The following PAK5 variants were observed in gnomAD, a reference collection of about 807,000 sequenced individuals.
The protein encoded by PAK5 is serine/threonine-protein kinase PAK 5.
A neutral mutation model predicts 65.9 loss-of-function variants in PAK5; 16 were observed. The ratio of observed to expected loss-of-function variants is 0.24; its 90% CI spans 0.16 to 0.37. The LOEUF is 0.37. Ranked by LOEUF, PAK5 falls within the 10% of genes least tolerant of loss-of-function variation. The pLI is 1.00. For synonymous variants in PAK5, 371 were observed against 354.9 expected, an observed-to-expected ratio of 1.05 and a Z score of -0.51; for missense variants, 785 against 903.9, an observed-to-expected ratio of 0.87 and a Z score of 1.69.
intron 3 of PAK5, among the ~76,000 whole-genome samples, chr20:9,599,099 A>G (rs951947126): frequency 2.6e-5 from 4 of 152,154 alleles, no homozygotes; most frequent in African/African-American, 9.7e-5. Flanking sequence ...TAGCTTCCCC[A>G]TATAAGTGAA....
intron 1 of PAK5, among the ~76,000 whole-genome samples, chr20:9,721,327 TC>T (rs2048210291): frequency 6.6e-6 from 1 of 151,990 alleles, no homozygotes; most frequent in Non-Finnish European, 1.5e-5. Flanking sequence ...GCTGGAGTGC[TC>T]CCTGAAGGCT....
chr20:9,619,299 G>A (rs1476113657), intron 3 of PAK5, among the ~76,000 whole-genome samples: 3 of 152,134 alleles, frequency 2.0e-5, no homozygotes, highest in Non-Finnish European at 2.9e-5. Context: ...GAAGAAAAAA[G>A]CCATGACTGC....
chr20:9,750,082 T>C lies in PAK5; in HGVS notation c.-161-38647A>G, dbSNP rs562300895. Among the ~76,000 whole-genome samples, 24 of 152,308 alleles carry C rather than the reference T, an allele frequency of 1.6e-4. No individual in the cohort carries two copies. In the South Asian group the frequency reaches 5.0e-3, roughly 32 times the overall value. On this transcript the variant is annotated intron_variant, in intron 1 of 9. Transcript: ENST00000353224. ...AATATTTTAAGTAAATAAATTGTTG[T>C]TGAGCCACATAGATCTTCAGTTATT...
chr20:9,642,045 GC>G (rs1381604049), intron 3 of PAK5, among the ~76,000 whole-genome samples: 8 of 152,226 alleles, frequency 5.3e-5, no homozygotes, highest in Non-Finnish European at 1.0e-4. Context: ...CCACAGTGCA[GC>G]GGGGGGGCTG....
chr20:9,621,980 T>C (rs111513762), intron 3 of PAK5, among the ~76,000 whole-genome samples: 1,783 of 152,306 alleles, frequency 0.012, 13 homozygotes, highest in Middle Eastern at 0.051. Flanking sequence ...GCCTACCTTA[T>C]TCTGTCACGG....
At chr20:9,672,091 A>G (rs1342791654) in intron 2 of PAK5, among the ~76,000 whole-genome samples, 1 of 151,894 alleles carries the variant, frequency 6.6e-6, no homozygotes, top group Admixed American at 6.6e-5. Flanking sequence ...AAAAAACTAG[A>G]TTTTCCTACA....
chr20:9,634,518 AG>A (rs2046960908), intron 3 of PAK5, among the ~76,000 whole-genome samples: 1 of 152,196 alleles, frequency 6.6e-6, no homozygotes, highest in African/African-American at 2.4e-5. Context: ...GGTTCTTATT[AG>A]TGGTTGATGT....
At chr20:9,635,954 G>C (rs556322418) in intron 3 of PAK5, among the ~76,000 whole-genome samples, 3 of 152,128 alleles carry the variant, frequency 2.0e-5, no homozygotes, top group Non-Finnish European at 4.4e-5. Context: ...CAAACATCTG[G>C]AAACAGTTTA....
intron 2 of PAK5, among the ~76,000 whole-genome samples, chr20:9,710,776 A>C (rs1180045112): frequency 1.3e-5 from 2 of 152,216 alleles, no homozygotes; most frequent in Admixed American, 6.5e-5. Context: ...TCCCACATCT[A>C]AACAGCTCTC....
intron 1 of PAK5, among the ~76,000 whole-genome samples, chr20:9,740,518 G>A (rs572865758): frequency 1.2e-4 from 19 of 152,218 alleles, no homozygotes; most frequent in South Asian, 4.1e-4. Context: ...TCTCTACCCC[G>A]TGTGACTTGC....
At chr20:9,741,403 G>A (rs953286777) in intron 1 of PAK5, among the ~76,000 whole-genome samples, 2 of 152,012 alleles carry the variant, frequency 1.3e-5, no homozygotes, top group East Asian at 1.9e-4. Flanking sequence ...ACACAGTCCC[G>A]GGAGGAATCT....
chr20:9,664,311 C>T (rs950657009), intron 2 of PAK5, among the ~76,000 whole-genome samples: 17 of 152,168 alleles, frequency 1.1e-4, no homozygotes, highest in African/African-American at 4.1e-4. Context: ...GGTTGACACC[C>T]TCTTTATAAA....
chr20:9,671,362 G>A (rs2047495210), intron 2 of PAK5, among the ~76,000 whole-genome samples: 1 of 152,046 alleles, frequency 6.6e-6, no homozygotes, highest in South Asian at 2.1e-4. Flanking sequence ...AATTACCTTG[G>A]GCAGTATGGC....
rs150033191 is a variant in PAK5 at position 9,558,599 on chromosome 20, G to C, written c.1617-865C>G. ...AATGGGGACAGCCACAGTTTTCAAG[G>C]CTGAGCTCAGGCAAAGTGGTCTTTG... is the stretch of plus-strand genomic sequence containing the variant. On this transcript the variant is annotated intron_variant, in intron 6 of 9. Transcript: ENST00000353224. 1.0e-3 allele frequency among the ~76,000 whole-genome samples: 157 copies of C among 152,104 alleles called. 1 individual carries two copies. Among genetic ancestry groups the C allele is most frequent in the African/African-American group, 3.5e-3 (147 of 41,486 alleles).
chr20:9,583,086 T>C (rs1301992758), intron 3 of PAK5, among the ~76,000 whole-genome samples: 1 of 152,212 alleles, frequency 6.6e-6, no homozygotes, highest in Non-Finnish European at 1.5e-5. Context: ...GTTCCAGGAA[T>C]ACTCATTGCT....
At chr20:9,753,348 A>T (rs1458506877) in intron 1 of PAK5, among the ~76,000 whole-genome samples, 1 of 152,156 alleles carries the variant, frequency 6.6e-6, no homozygotes, top group African/African-American at 2.4e-5. Context: ...ATTTATTATC[A>T]TCAAAAAAGG....
At position 9,580,878 on chromosome 20, in the gene PAK5, A is replaced by G. The variant is rs918236421; in HGVS notation, c.257T>C (p.Leu86Pro). 22 of 1,610,798 alleles carry G rather than the reference A, an allele frequency of 1.4e-5. No homozygotes were observed. The highest frequency in any genetic ancestry group is 1.6e-5 in the Non-Finnish European group (19 of 1,178,474). The change falls in exon 4 of 10, where the codon CTA (leucine) becomes CCA (proline). Residue 86 changes from leucine (L) to proline (P), a missense_variant. Transcript: ENST00000353224. The stretch of plus-strand genomic sequence containing the variant: ...CACCGAGATGTTGTCAAAATCCTCT[A>G]GCAGGCCGTTGATGGAGGTTTCCTT... ...PCKETSINGL[L>P]EDFDNISVTR...
chr20:9,811,253 T>C (rs544075907), intron 1 of PAK5, among the ~76,000 whole-genome samples: 2 of 152,262 alleles, frequency 1.3e-5, no homozygotes, highest in African/African-American at 2.4e-5. Flanking sequence ...CATCGTGACA[T>C]TGTATACTGT....
chr20:9,547,697 T>A (rs1246096282), intron 7 of PAK5, among the ~76,000 whole-genome samples: 2 of 152,096 alleles, frequency 1.3e-5, no homozygotes, highest in African/African-American at 4.8e-5. Context: ...TTTTAAAGCA[T>A]CCCTTCAGGA....
Sources: gnomAD v4.1 joint callset for allele counts (sites outside exome capture counted in the v4.1 genomes callset) on GRCh38, gnomAD v4.1.1 for gene constraint, MANE v1.5 for transcripts, NCBI Gene and HGNC (gene_info 2026-07-23, HGNC 2026-07-21) for gene names.